TPBG: variants seen among roughly 807,000 people sequenced by gnomAD.
TPBG encodes 5T4 oncofetal antigen.
A neutral mutation model predicts 19.3 loss-of-function variants in TPBG; 13 were observed. That is an observed-to-expected ratio of 0.67 (90% CI 0.44 to 1.07). TPBG has a LOEUF of 1.07. Ranked by LOEUF, TPBG falls within the 50% of genes least tolerant of loss-of-function variation. The pLI, the probability that TPBG is intolerant of heterozygous loss-of-function variation, is 0.00. For synonymous variants in TPBG, 338 were observed against 259.8 expected (o/e 1.30, Z -2.89); for missense variants, 642 against 559.6 (o/e 1.15, Z -1.49).
chr6:82,365,044 G>C lies in TPBG; in HGVS notation c.83G>C (p.Trp28Ser). The change falls in exon 2 of 2, where the codon TGG (tryptophan) becomes TCG (serine). Residue 28 changes from tryptophan (W) to serine (S), a missense_variant. By Grantham distance (177) the Trp-to-Ser change is radical. Transcript: ENST00000369750. ...LARLALVLLG[W>S]VSSSSPTSSA... ...CGACTAGCGCTGGTACTCCTGGGCTGGGTCTCCTCGTCTTCTCCCACCTCC... is the reference window on the plus strand; with the variant it reads ...CGACTAGCGCTGGTACTCCTGGGCTCGGTCTCCTCGTCTTCTCCCACCTCC... 1 of 1,548,710 alleles carries C rather than the reference G, an allele frequency of 6.5e-7. No individual in the cohort carries two copies. Among genetic ancestry groups the C allele is most frequent in the Non-Finnish European group, 8.7e-7 (1 of 1,146,374 alleles).
Position 82,364,782 on chromosome 6 carries a change from G to A in TPBG, c.-180G>A. On this transcript the variant is annotated 5_prime_UTR_variant, in exon 2 of 2. Coordinates refer to ENST00000369750, the MANE Select transcript of TPBG (RefSeq NM_001376922.1). The stretch of plus-strand genomic sequence containing the variant: ...GGGGCGGGGGAATCGGCCCCTGAGG[G>A]AAGCGCCCGGTGGCGAGGGGGTTAG... 2.0e-6 allele frequency: 1 copy of A among 512,762 alleles called. No homozygotes were observed. The highest frequency in any genetic ancestry group is 3.2e-6 in the Non-Finnish European group (1 of 307,832). The allele number at this position is 512,762 out of a possible 1,614,324, so 31.8% of individuals were successfully genotyped here.
In TPBG at chr6:82,366,501, G is replaced by A. The variant is rs1183730070; in HGVS notation, c.*277G>A. On this transcript the variant is annotated 3_prime_UTR_variant, in exon 2 of 2. Coordinates refer to ENST00000369750, the MANE Select transcript of TPBG (RefSeq NM_001376922.1). ...TTTTCAGGTTTCAGCATGAACATGG[G>A]CTTCTTGCTGTCTGTCTCTCTCTCA... is the stretch of plus-strand genomic sequence containing the variant. 1 of 321,888 alleles carries A rather than the reference G, an allele frequency of 3.1e-6. No homozygotes were observed. The highest frequency in any genetic ancestry group is 2.1e-5 in the African/African-American group (1 of 46,656). 19.9% of individuals were successfully genotyped at this position (321,888 alleles called of 1,614,324 possible).
upstream of TPBG, chr6:82,363,690 C>T (rs1767383344): frequency 6.6e-6 from 1 of 152,358 alleles, no homozygotes. Flanking sequence ...TTCTTAAATC[C>T]CCCTACCTAC....
chr6:82,365,801 G>C lies in TPBG; in HGVS notation c.840G>C (p.Glu280Asp), dbSNP rs1376413676. The change falls in exon 2 of 2, where the codon GAG (glutamate) becomes GAC (aspartate). Residue 280 changes from glutamate to aspartate, a missense_variant. Physicochemically the swap from Glu to Asp is conservative, Grantham distance 45 (BLOSUM62 2). Transcript: ENST00000369750. ...TCCTTCACAATGGCACCCTGGCTGA[G>C]TTGCAAGGTCTACCCCACATTAGGG... ...LKVLHNGTLA[E>D]LQGLPHIRVF... 6.2e-7 allele frequency: 1 copy of C among 1,614,176 alleles called. No homozygotes were observed. The highest frequency in any genetic ancestry group is 8.5e-7 in the Non-Finnish European group (1 of 1,180,042).
At position 82,364,713 on chromosome 6, in the gene TPBG, G is replaced by C. The variant is rs974797401; in HGVS notation, c.-249G>C. 1 of 429,542 alleles carries C rather than the reference G, an allele frequency of 2.3e-6. No individual in the cohort carries two copies. The highest frequency in any genetic ancestry group is 6.4e-5 in the South Asian group (1 of 15,508). 26.6% of individuals were successfully genotyped at this position (429,542 alleles called of 1,614,324 possible). ...GGAAGAGGAGCGGGAGCAGGAGCGC[G>C]GAGCGGAGCGTCCCGACCCGCCGTG... On this transcript the variant is annotated 5_prime_UTR_variant, in exon 2 of 2. Coordinates refer to ENST00000369750, the MANE Select transcript of TPBG (RefSeq NM_001376922.1).
In TPBG at chr6:82,364,930, C is replaced by A; in HGVS notation, c.-32C>A. 1.4e-6 allele frequency: 2 copies of A among 1,416,978 alleles called. No homozygotes were observed. The highest frequency in any genetic ancestry group is 2.9e-5 in the East Asian group (1 of 34,554). 87.8% of individuals were successfully genotyped at this position (1,416,978 alleles called of 1,614,324 possible). A position where few individuals can be genotyped will look rare whatever the true frequency, so the allele number is the denominator to read the frequency against. On this transcript the variant is annotated 5_prime_UTR_variant, in exon 2 of 2. Coordinates refer to ENST00000369750, the MANE Select transcript of TPBG (RefSeq NM_001376922.1). ...CCCGAGCCTTCGGAGCGGGCGCCGT[C>A]CCAGCCCAGCTCCGGGGAAACGCGA...
In TPBG at chr6:82,365,237, C is replaced by T. The variant is rs149944143; in HGVS notation, c.276C>T (p.Tyr92=). 125 of 1,590,216 alleles carry T rather than the reference C, an allele frequency of 7.9e-5. No homozygotes were observed. In the African/African-American group the frequency reaches 9.4e-4, roughly 12 times the overall value. The part of the protein sequence containing the change: ...LTEVPTDLPA[Y]VRNLFLTGNQ... ...AGGTGCCCACGGACCTGCCCGCCTA[C>T]GTGCGCAACCTCTTCCTTACCGGCA... The change falls in exon 2 of 2, where the codon TAC becomes TAT. Residue 92 remains tyrosine (Y), a synonymous_variant. Transcript: ENST00000369750.
chr6:82,365,088 T>A lies in TPBG; in HGVS notation c.127T>A (p.Ser43Thr). 1 of 1,568,820 alleles carries A rather than the reference T, an allele frequency of 6.4e-7. No homozygotes were observed. The highest frequency in any genetic ancestry group is 8.6e-7 in the Non-Finnish European group (1 of 1,157,050). Residue 43 changes from serine (S) to threonine (T), a missense_variant, in exon 2 of 2, where the codon TCC becomes ACC. Transcript: ENST00000369750. The stretch of plus-strand genomic sequence containing the variant: ...CACCTCCTCGGCATCCTCCTTCTCC[T>A]CCTCGGCGCCGTTCCTGGCTTCCGC... ...SPTSSASSFS[S>T]SAPFLASAVS...
In TPBG at chr6:82,366,394, G is replaced by T; in HGVS notation, c.*170G>T. On this transcript the variant is annotated 3_prime_UTR_variant, in exon 2 of 2. Transcript: ENST00000369750. ...TATGTAAAGTTTCTCGGTGTGTTCT[G>T]TTAATGTAAGACGATGAACAGTTGT... is the stretch of plus-strand genomic sequence containing the variant. The T allele has an allele frequency of 1.3e-6, 1 of 747,608 alleles. No homozygotes were observed. 46.3% of individuals were successfully genotyped at this position (747,608 alleles called of 1,614,324 possible).
In TPBG at chr6:82,365,614, C is replaced by T; in HGVS notation, c.653C>T (p.Ala218Val). ...ALQGLRRLEL[A>V]SNHFLYLPRD... ...CAGGGGCTCCGCCGCTTGGAGCTGGCCAGCAACCACTTCCTTTACCTGCCG... is the reference window on the plus strand; with the variant it reads ...CAGGGGCTCCGCCGCTTGGAGCTGGTCAGCAACCACTTCCTTTACCTGCCG... The change falls in exon 2 of 2, where the codon GCC (alanine) becomes GTC (valine). Residue 218 changes from alanine to valine, a missense_variant. Coordinates refer to ENST00000369750, the MANE Select transcript of TPBG (RefSeq NM_001376922.1). 3 of 1,602,732 alleles carry T rather than the reference C, an allele frequency of 1.9e-6. No individual in the cohort carries two copies. Among genetic ancestry groups the T allele is most frequent in the Non-Finnish European group, 2.6e-6 (3 of 1,174,352 alleles).
Position 82,366,166 on chromosome 6 carries a change from G to A in TPBG, c.1205G>A (p.Arg402Lys). 2 of 1,611,798 alleles carry A rather than the reference G, an allele frequency of 1.2e-6. No individual in the cohort carries two copies. The highest frequency in any genetic ancestry group is 1.7e-6 in the Non-Finnish European group (2 of 1,179,204). Residue 402 changes from arginine to lysine, a missense_variant, in exon 2 of 2, where the codon AGA becomes AAA. Coordinates refer to ENST00000369750, the MANE Select transcript of TPBG (RefSeq NM_001376922.1). ...GATCACATGGAAGGGTATCATTACA[G>A]ATATGAAATCAATGCGGACCCCAGA... ...CRDHMEGYHY[R>K]YEINADPRLT...
rs1491462585 is a variant in TPBG at position 82,363,876 on chromosome 6, TCA to T, written c.-371_-370del. The stretch of plus-strand genomic sequence containing the variant: ...GAAGTCGTCGCTACTCTGGTGGAAC[TCA>T]GAGTTGGTTCTGGAGGCGGCGGACG... On this transcript the variant is annotated 5_prime_UTR_variant, in exon 1 of 2. Coordinates refer to ENST00000369750, the MANE Select transcript of TPBG (RefSeq NM_001376922.1). The T allele has an allele frequency of 3.3e-5, 5 of 152,782 alleles. No individual in the cohort carries two copies. In the East Asian group the frequency reaches 9.7e-4, roughly 30 times the overall value. 9.5% of individuals were successfully genotyped at this position (152,782 alleles called of 1,614,324 possible).
At position 82,364,881 on chromosome 6, in the gene TPBG, G is replaced by A; in HGVS notation, c.-81G>A. 5.8e-6 allele frequency: 7 copies of A among 1,208,728 alleles called. No homozygotes were observed. Among genetic ancestry groups the A allele is most frequent in the South Asian group, 2.1e-5 (1 of 47,134 alleles). The allele number at this position is 1,208,728 out of a possible 1,614,324, so 74.9% of individuals were successfully genotyped here. A position where few individuals can be genotyped will look rare whatever the true frequency, so the allele number is the denominator to read the frequency against. On this transcript the variant is annotated 5_prime_UTR_variant, in exon 2 of 2. Transcript: ENST00000369750. ...TTTTTTTTTCCAGACGCTTCCGCCG[G>A]CTCGCGCCCTCCGGGCCCAGCCTCC... is the stretch of plus-strand genomic sequence containing the variant.
Position 82,365,666 on chromosome 6 carries a change from C to G in TPBG, c.705C>G (p.Ser235Arg). 1.9e-6 allele frequency: 3 copies of G among 1,603,380 alleles called. No individual in the cohort carries two copies. The highest frequency in any genetic ancestry group is 2.6e-6 in the Non-Finnish European group (3 of 1,174,614). Residue 235 changes from serine (S) to arginine (R), a missense_variant, in exon 2 of 2, where the codon AGC becomes AGG. Ser to Arg is a moderately radical substitution (Grantham distance 110). Coordinates refer to ENST00000369750, the MANE Select transcript of TPBG (RefSeq NM_001376922.1). ...LPRDVLAQLP[S>R]LRHLDLSNNS... Reference sequence around the variant, plus strand: ...GGGATGTGCTGGCCCAACTGCCCAGCCTCAGGCACCTGGACTTAAGTAATA... The same window carrying G: ...GGGATGTGCTGGCCCAACTGCCCAGGCTCAGGCACCTGGACTTAAGTAATA...
Position 82,365,813 on chromosome 6 carries a change from A to G in TPBG, c.852A>G (p.Leu284=), listed in dbSNP as rs747088316. The change falls in exon 2 of 2, where the codon CTA becomes CTG. Residue 284 remains leucine (L), a synonymous_variant. Coordinates refer to ENST00000369750, the MANE Select transcript of TPBG (RefSeq NM_001376922.1). ...GCACCCTGGCTGAGTTGCAAGGTCT[A>G]CCCCACATTAGGGTTTTCCTGGACA... ...HNGTLAELQG[L]PHIRVFLDNN... 8.1e-6 allele frequency: 13 copies of G among 1,613,924 alleles called. No homozygotes were observed. In the East Asian group the frequency reaches 1.1e-4, roughly 14 times the overall value.
chr6:82,365,975 C>G lies in TPBG; in HGVS notation c.1014C>G (p.Asn338Lys). 1 of 1,614,014 alleles carries G rather than the reference C, an allele frequency of 6.2e-7. No homozygotes were observed. Among genetic ancestry groups the G allele is most frequent in the South Asian group, 1.1e-5 (1 of 91,046 alleles). ...GGAATCGGGTCCTCTTGGAACTCAACAGTGCTGACCTGGACTGTGACCCGA... is the reference window on the plus strand; with the variant it reads ...GGAATCGGGTCCTCTTGGAACTCAAGAGTGCTGACCTGGACTGTGACCCGA... ...KMRNRVLLEL[N>K]SADLDCDPIL... Residue 338 changes from asparagine (N) to lysine (K), a missense_variant, in exon 2 of 2, where the codon AAC becomes AAG. Coordinates refer to ENST00000369750, the MANE Select transcript of TPBG (RefSeq NM_001376922.1).
Position 82,367,348 on chromosome 6 carries a change from CAAAT to C in TPBG, c.*1130_*1133del, listed in dbSNP as rs747279951. On this transcript the variant is annotated 3_prime_UTR_variant, in exon 2 of 2. Coordinates refer to ENST00000369750, the MANE Select transcript of TPBG (RefSeq NM_001376922.1). ...AGCAGAATTTGAAACAAATGTAATGCAAATAAATATAAAGATAAAGTGTCTTAAA... is the reference window on the plus strand; with the variant it reads ...AGCAGAATTTGAAACAAATGTAATGCAAATATAAAGATAAAGTGTCTTAAA... The C allele has an allele frequency of 2.4e-5, 4 of 165,294 alleles. No homozygotes were observed. The highest frequency in any genetic ancestry group is 6.0e-5 in the Non-Finnish European group (4 of 67,180). 10.2% of individuals were successfully genotyped at this position (165,294 alleles called of 1,614,324 possible). A position where few individuals can be genotyped will look rare whatever the true frequency, so the allele number is the denominator to read the frequency against.
rs762659958 is a variant in TPBG, at chr6:82,366,153, G to A, written c.1192G>A (p.Gly398Arg). The A allele has an allele frequency of 6.2e-7, 1 of 1,613,680 alleles. No homozygotes were observed. Among genetic ancestry groups the A allele is most frequent in the South Asian group, 1.1e-5 (1 of 91,026 alleles). ...IRDACRDHME[G>R]YHYRYEINAD... ...AGATGCCTGCAGGGATCACATGGAA[G>A]GGTATCATTACAGATATGAAATCAA... Residue 398 changes from glycine to arginine, a missense_variant, in exon 2 of 2, where the codon GGG becomes AGG. Coordinates refer to ENST00000369750, the MANE Select transcript of TPBG (RefSeq NM_001376922.1).
At chr6:82,364,057 T>C (rs1767398341) in intron 1 of TPBG, 149 bp downstream of exon 1, 1 of 152,354 alleles carries the variant, frequency 6.6e-6, no homozygotes, top group Admixed American at 6.5e-5. Context: ...CCCCTCCTCT[T>C]TGGAGATGAC....
Sources: allele counts gnomAD v4.1 joint callset, GRCh38; gene constraint gnomAD v4.1.1; transcripts MANE v1.5; gene names NCBI Gene and HGNC (gene_info 2026-07-23, HGNC 2026-07-21).